The following PLXNA4 variants were observed in gnomAD, a reference collection of about 807,000 sequenced individuals.
The protein encoded by PLXNA4 is plexin A4.
Under a neutral mutation model 191.8 loss-of-function variants are expected in PLXNA4, and 44 were observed. That is an observed-to-expected ratio of 0.23 (90% CI 0.18 to 0.29). The LOEUF is 0.29. Ranked by LOEUF, PLXNA4 falls within the 10% of genes least tolerant of loss-of-function variation. The pLI is 1.00. For synonymous variants in PLXNA4, 1,082 were observed against 1,009.5 expected, an observed-to-expected ratio of 1.07 and a Z score of -1.36; for missense variants, 1,800 against 2,488.8, an observed-to-expected ratio of 0.72 and a Z score of 5.89.
intron 5 of PLXNA4, among the ~76,000 whole-genome samples, chr7:132,238,686 A>G (rs185172480): frequency 1.3e-5 from 2 of 152,382 alleles, no homozygotes; most frequent in Admixed American, 6.5e-5. Context: ...GTGCCAGACT[A>G]AAGGGGTGAG....
At chr7:132,533,455 C>G (rs1799705767) in intron 1 of PLXNA4, among the ~76,000 whole-genome samples, 1 of 152,192 alleles carries the variant, frequency 6.6e-6, no homozygotes, top group Admixed American at 6.5e-5. Flanking sequence ...TCCACAGAGG[C>G]CAGCCTTAGC....
intron 3 of PLXNA4, among the ~76,000 whole-genome samples, chr7:132,464,879 C>T (rs1017548515): frequency 3.9e-5 from 6 of 152,216 alleles, no homozygotes; most frequent in African/African-American, 1.4e-4. Flanking sequence ...TTCCTAAGGA[C>T]GAGTGTGGCC....
At chr7:132,250,967 T>G (rs1257650439) in intron 4 of PLXNA4, among the ~76,000 whole-genome samples, 1 of 150,940 alleles carries the variant, frequency 6.6e-6, no homozygotes, top group Non-Finnish European at 1.5e-5. Flanking sequence ...TGGAGAAAAA[T>G]GAAAGTTTCC....
intron 2 of PLXNA4, among the ~76,000 whole-genome samples, chr7:132,610,488 C>A (rs932387553): frequency 7.2e-5 from 11 of 152,234 alleles, no homozygotes; most frequent in Non-Finnish European, 1.0e-4. Context: ...CTAGTCCCCC[C>A]ATCCCTGCTA....
At chr7:132,264,437 T>C (rs1379285332) in intron 4 of PLXNA4, 1 of 152,122 alleles carries the variant, frequency 6.6e-6, no homozygotes, top group Non-Finnish European at 1.5e-5. Context: ...ACCTTGAATT[T>C]CCCCAACTTA....
intron 1 of PLXNA4, among the ~76,000 whole-genome samples, chr7:132,522,771 C>CA (rs2116375267): frequency 6.6e-6 from 1 of 152,064 alleles, no homozygotes; most frequent in African/African-American, 2.4e-5. Flanking sequence ...GACTCTGGCT[C>CA]AAAATAAATA....
intron 3 of PLXNA4, among the ~76,000 whole-genome samples, chr7:132,349,749 C>T (rs1563050702): frequency 1.3e-5 from 2 of 152,072 alleles, no homozygotes; most frequent in African/African-American, 4.8e-5. Context: ...GGATGGGTAT[C>T]CTGTTGCTTT....
chr7:132,587,805 T>A (rs1280914932), intron 2 of PLXNA4, among the ~76,000 whole-genome samples: 1 of 151,950 alleles, frequency 6.6e-6, no homozygotes, highest in African/African-American at 2.4e-5. Context: ...ATTCATCAGA[T>A]GCACCATCTT....
intron 2 of PLXNA4, among the ~76,000 whole-genome samples, chr7:132,604,262 C>A (rs116700756): frequency 1.3e-5 from 2 of 152,230 alleles, no homozygotes; most frequent in African/African-American, 4.8e-5. Flanking sequence ...TGAACTCCCA[C>A]TAGCTCAGGA....
At chr7:132,198,743 C>T in intron 12 of PLXNA4, 107 bp from the exon 13 acceptor site, 3 of 1,510,394 alleles carry the variant, frequency 2.0e-6, no homozygotes, top group Non-Finnish European at 2.6e-6. Context: ...CCCCAGAGTC[C>T]CTGAGTGGCT....
At chr7:132,594,945 A>T (rs1585393074) in intron 2 of PLXNA4, among the ~76,000 whole-genome samples, 1 of 147,322 alleles carries the variant, frequency 6.8e-6, no homozygotes, top group East Asian at 1.9e-4. Context: ...ATAGATAGAT[A>T]GATAGATAGA....
intron 3 of PLXNA4, among the ~76,000 whole-genome samples, chr7:132,455,229 A>C (rs1287621986): frequency 6.6e-6 from 1 of 152,178 alleles, no homozygotes; most frequent in East Asian, 1.9e-4. Context: ...TAAAGCATGA[A>C]GCCCAGACAG....
chr7:132,478,298 GAAATA>G (rs1797207259), intron 3 of PLXNA4, among the ~76,000 whole-genome samples: 2 of 152,206 alleles, frequency 1.3e-5, no homozygotes, highest in Non-Finnish European at 2.9e-5. Context: ...TCATAAAGAT[GAAATA>G]AAATAAAATA....
chr7:132,390,511 C>A (rs558700568), intron 3 of PLXNA4, among the ~76,000 whole-genome samples: 4 of 152,088 alleles, frequency 2.6e-5, no homozygotes, highest in Non-Finnish European at 5.9e-5. Flanking sequence ...CACATGTATA[C>A]CTATGTAACA....
chr7:132,511,093 G>A (rs552688978), intron 1 of PLXNA4, among the ~76,000 whole-genome samples: 4 of 152,264 alleles, frequency 2.6e-5, no homozygotes, highest in South Asian at 2.1e-4. Context: ...TGTCTTGCTC[G>A]TCAACACATT....
intron 3 of PLXNA4, among the ~76,000 whole-genome samples, chr7:132,482,940 C>T (rs1797395594): frequency 6.6e-6 from 1 of 152,110 alleles, no homozygotes; most frequent in Admixed American, 6.5e-5. Flanking sequence ...ATCTGTGTGC[C>T]TCAGCCTCCC....
At chr7:132,483,363 C>T (rs993152489) in intron 3 of PLXNA4, among the ~76,000 whole-genome samples, 19 of 152,184 alleles carry the variant, frequency 1.2e-4, no homozygotes, top group Admixed American at 1.2e-3. Context: ...TGGTTGGGGG[C>T]TCATTCCCTC....
intron 3 of PLXNA4, chr7:132,352,255 A>G: frequency 6.6e-6 from 1 of 152,552 alleles, no homozygotes; most frequent in Non-Finnish European, 1.5e-5. Context: ...AAGTGCCCAG[A>G]GGCCGAAGCA....
chr7:132,481,178 C>T (rs1299838638), intron 3 of PLXNA4, among the ~76,000 whole-genome samples: 2 of 152,098 alleles, frequency 1.3e-5, no homozygotes. Context: ...CCTCTTTAAT[C>T]CATCCCAGGA....
Sources: gnomAD v4.1 joint callset for allele counts (sites outside exome capture counted in the v4.1 genomes callset) on GRCh38, gnomAD v4.1.1 for gene constraint, MANE v1.5 for transcripts, NCBI Gene and HGNC (gene_info 2026-07-23, HGNC 2026-07-21) for gene names.